Variants in APBA3 observed in about 807,000 individuals in gnomAD.
APBA3 encodes amyloid-beta A4 precursor protein-binding family A member 3.
In APBA3, 45 loss-of-function variants were observed where a neutral mutation model predicts 55.9. That is an observed-to-expected ratio of 0.80 (90% CI 0.63 to 1.03). The LOEUF (loss-of-function observed/expected upper bound fraction) is 1.03, where lower values mean the gene tolerates loss of function less well. Among genes scored for constraint, APBA3 ranks in the 50% least tolerant of loss-of-function variants. APBA3 has a pLI of 0.00. For missense variants in APBA3, 865 were observed against 820.3 expected, an observed-to-expected ratio of 1.05 and a Z score of -0.67; for synonymous variants, 370 against 353.3, an observed-to-expected ratio of 1.05 and a Z score of -0.53.
chr19:3,759,566 T>C lies in APBA3; in HGVS notation c.611A>G (p.Gln204Arg), dbSNP rs2037118267. 6.3e-7 allele frequency: 1 copy of C among 1,598,394 alleles called. No individual in the cohort carries two copies. Among genetic ancestry groups the C allele is most frequent in the Non-Finnish European group, 8.5e-7 (1 of 1,174,216 alleles). The change falls in exon 3 of 11, where the codon CAG (glutamine) becomes CGG (arginine). Residue 204 changes from glutamine (Q) to arginine (R), a missense_variant. Gln to Arg is a conservative substitution (Grantham distance 43, BLOSUM62 1). Coordinates refer to ENST00000316757, the MANE Select transcript of APBA3 (RefSeq NM_004886.4). ...AGGGTGGGCGGGACACTCACCCTCC[T>C]GGGGGGCAGGGTAGGAAGCCAGGGT... The part of the protein sequence containing the change: ...PETLASYPAP[Q>R]EVPGPCDHED...
Position 3,754,226 on chromosome 19 carries a change from G to C in APBA3, c.731C>G (p.Ala244Gly). 1.3e-6 allele frequency: 2 copies of C among 1,544,756 alleles called. No homozygotes were observed. The highest frequency in any genetic ancestry group is 1.7e-6 in the Non-Finnish European group (2 of 1,145,366). ...GCGGTCCATGGCCTCCCGGGCCTGG[G>C]CCATGCGCGTGCTGGTGGGCGGGTT... is the stretch of plus-strand genomic sequence containing the variant. ...ERNPPTSTRM[A>G]QAREAMDRVK... The change falls in exon 4 of 11, where the codon GCC (alanine) becomes GGC (glycine). Residue 244 changes from alanine to glycine, a missense_variant. By Grantham distance (60) the Ala-to-Gly change is moderately conservative. Coordinates refer to ENST00000316757, the MANE Select transcript of APBA3 (RefSeq NM_004886.4).
intron 3 of APBA3, chr19:3,756,179 T>C (rs2037078408): frequency 6.6e-6 from 1 of 152,030 alleles, no homozygotes; most frequent in African/African-American, 2.4e-5. Flanking sequence ...AGATTTGGTA[T>C]GAAAAAAAGT....
chr19:3,751,728 G>T, intron 8 of APBA3, 175 bp from the exon 9 acceptor site: 2 of 738,082 alleles, frequency 2.7e-6, no homozygotes, highest in Non-Finnish European at 4.2e-6. Context: ...TGGGCATGGG[G>T]TCGAAGCTGT....
Position 3,754,313 on chromosome 19 carries a change from A to T in APBA3, c.644T>A (p.Leu215His). 3.8e-6 allele frequency: 6 copies of T among 1,558,958 alleles called. No individual in the cohort carries two copies. The highest frequency in any genetic ancestry group is 5.2e-6 in the Non-Finnish European group (6 of 1,153,690). The change falls in exon 4 of 11, where the codon CTC (leucine) becomes CAC (histidine). Residue 215 changes from leucine (L) to histidine (H), a missense_variant. By Grantham distance (99) the Leu-to-His change is moderately conservative. Transcript: ENST00000316757. The part of the protein sequence containing the change: ...EVPGPCDHED[L>H]LDGVIFGARY... ...GGCCCCAAATATGACACCGTCCAGG[A>T]GGTCTTCATGGTCACAGGGACCAGG... is the stretch of plus-strand genomic sequence containing the variant.
intron 8 of APBA3, chr19:3,751,760 C>T: frequency 3.3e-6 from 2 of 598,084 alleles, no homozygotes; most frequent in South Asian, 4.8e-5. Context: ...CATATCGCTT[C>T]CTTATGGCCA....
intron 3 of APBA3, chr19:3,754,596 C>A (rs1358677320): frequency 6.3e-6 from 3 of 478,912 alleles, no homozygotes; most frequent in Non-Finnish European, 1.1e-5. Context: ...GGATTCAAAG[C>A]CAGATCTAGC....
At chr19:3,758,749 G>A (rs1289616165) in intron 3 of APBA3, among the ~76,000 whole-genome samples, 1 of 151,916 alleles carries the variant, frequency 6.6e-6, no homozygotes, top group African/African-American at 2.4e-5. Flanking sequence ...GTGGTGGCGA[G>A]CACCTGTAAT....
intron 3 of APBA3, chr19:3,754,982 G>T (rs10421047): frequency 6.6e-6 from 1 of 152,242 alleles, no homozygotes. Flanking sequence ...CTCCAATTTC[G>T]AAACCTCCAC....
At chr19:3,753,996 T>C (rs776507332) in intron 5 of APBA3, 23 bp downstream of exon 5, 4 of 1,598,596 alleles carry the variant, frequency 2.5e-6, no homozygotes, top group Middle Eastern at 1.7e-4. Flanking sequence ...CCCGCATCCC[T>C]GGGGCGGGTC....
chr19:3,752,402 T>C lies in APBA3; in HGVS notation c.1395+106A>G, dbSNP rs571441699. 1.3e-4 allele frequency: 138 copies of C among 1,098,340 alleles called. 3 individuals carry two copies. The South Asian group carries it at 2.1e-3, about 16-fold the overall frequency. 68.0% of individuals were successfully genotyped at this position (1,098,340 alleles called of 1,614,324 possible). A position where few individuals can be genotyped will look rare whatever the true frequency, so the allele number is the denominator to read the frequency against. ...TGGGCAGGACTTAAAAGTTCGACTT[T>C]GTCCCTCCTGGCTGGGCTGGAGAGA... On this transcript the variant is annotated intron_variant, in intron 8 of 10. Coordinates refer to ENST00000316757, the MANE Select transcript of APBA3 (RefSeq NM_004886.4).
chr19:3,754,051 T>G lies in APBA3; in HGVS notation c.817A>C (p.Lys273Gln), dbSNP rs781350702. 1.9e-6 allele frequency: 3 copies of G among 1,611,158 alleles called. No homozygotes were observed. The African/African-American group carries it at 4.0e-5, about 22-fold the overall frequency. ...MTEVDLFVST[K>Q]RIKVLTADSQ... ...TCCGCTGTCAAGACCTTGATCCTCT[T>G]GGTGGAGACGAACAGGTCCACCTCC... The change falls in exon 5 of 11, where the codon AAG becomes CAG. Residue 273 changes from lysine to glutamine, a missense_variant. By Grantham distance (53) the Lys-to-Gln change is moderately conservative (BLOSUM62 1). Coordinates refer to ENST00000316757, the MANE Select transcript of APBA3 (RefSeq NM_004886.4).
intron 3 of APBA3, among the ~76,000 whole-genome samples, chr19:3,757,328 A>G (rs772681039): frequency 1.3e-5 from 2 of 151,966 alleles, no homozygotes; most frequent in Non-Finnish European, 2.9e-5. Flanking sequence ...GCTGGTCTCG[A>G]ACTCCTGGGC....
At chr19:3,754,432 C>T (rs1339397066) in intron 3 of APBA3, 92 bp from the exon 4 acceptor site, 76 of 1,481,426 alleles carry the variant, frequency 5.1e-5, no homozygotes, top group Non-Finnish European at 6.7e-5. Context: ...CCGGGAGACA[C>T]AGTGTTCTAG....
Position 3,754,179 on chromosome 19 carries a change from C to T in APBA3, c.762+16G>A. On this transcript the variant is annotated intron_variant, in intron 4 of 10. Transcript: ENST00000316757. ...AGCCCACCCGCCTGCCCGCCCGGCC[C>T]CGGCCGCCCCCTCACCTTGACGCGG... The T allele has an allele frequency of 6.5e-7, 1 of 1,541,944 alleles. No homozygotes were observed. Among genetic ancestry groups the T allele is most frequent in the Non-Finnish European group, 8.8e-7 (1 of 1,142,480 alleles).
In APBA3 at chr19:3,752,696, C is replaced by G. The variant is rs1421541005; in HGVS notation, c.1207G>C (p.Glu403Gln). The G allele has an allele frequency of 1.3e-6, 2 of 1,595,360 alleles. No individual in the cohort carries two copies. The highest frequency in any genetic ancestry group is 1.3e-5 in the African/African-American group (1 of 74,746). The change falls in exon 8 of 11, where the codon GAG becomes CAG. Residue 403 changes from glutamate to glutamine, a missense_variant. Glu to Gln is a conservative substitution (Grantham distance 29). Transcript: ENST00000316757. ...TCCACCAGGGCCACGCCCAGGCCCTCCCCTCGCCGCTTCTCGAGGTGCACC... is the reference window on the plus strand; with the variant it reads ...TCCACCAGGGCCACGCCCAGGCCCTGCCCTCGCCGCTTCTCGAGGTGCACC... ...REVHLEKRRG[E>Q]GLGVALVESG... is the part of the protein sequence containing the mutation.
intron 8 of APBA3, chr19:3,751,839 G>A: frequency 2.3e-6 from 1 of 442,754 alleles, no homozygotes. Flanking sequence ...ACGGACTGTG[G>A]CCTCATTCCT....
In APBA3 at chr19:3,751,426, G is replaced by A; in HGVS notation, c.1515+8C>T. 6.5e-7 allele frequency: 1 copy of A among 1,527,144 alleles called. No homozygotes were observed. Among genetic ancestry groups the A allele is most frequent in the Non-Finnish European group, 8.8e-7 (1 of 1,141,420 alleles). 94.6% of individuals were successfully genotyped at this position (1,527,144 alleles called of 1,614,324 possible). The stretch of plus-strand genomic sequence containing the variant: ...CCCCCACCCCGGGGCCAGGGGCCGG[G>A]GCCTCACGATGCCGTCCTCCACGCA... On this transcript the variant is annotated splice_region_variant and intron_variant, in intron 9 of 10. Coordinates refer to ENST00000316757, the MANE Select transcript of APBA3 (RefSeq NM_004886.4).
chr19:3,751,551 C>G lies in APBA3; in HGVS notation c.1398G>C (p.Glu466Asp), dbSNP rs749144277. The G allele has an allele frequency of 6.3e-7, 1 of 1,588,702 alleles. No homozygotes were observed. The highest frequency in any genetic ancestry group is 2.3e-4 in the Middle Eastern group (1 of 4,430). The change falls in exon 9 of 11, where the codon GAG (glutamate) becomes GAC (aspartate). Residue 466 changes from glutamate to aspartate, a missense_variant and splice_region_variant. Glu to Asp is a conservative substitution (Grantham distance 45). Transcript: ENST00000316757. Reference protein sequence around the residue: ...PLAACQAAVRETKSQTSVTLS... With the variant: ...PLAACQAAVRDTKSQTSVTLS... ...GTGTCACCGACGTCTGCGACTTCGT[C>G]TCCTGTGGGGCGGGGGCCGTTGGCC... is the stretch of plus-strand genomic sequence containing the variant.
intron 3 of APBA3, among the ~76,000 whole-genome samples, chr19:3,758,850 G>A (rs1303733787): frequency 2.0e-5 from 3 of 150,832 alleles, no homozygotes; most frequent in African/African-American, 7.3e-5. Context: ...TGCACTCCAA[G>A]CCTGGGTGAC....
Sources: gnomAD v4.1 joint callset for allele counts (sites outside exome capture counted in the v4.1 genomes callset) on GRCh38, gnomAD v4.1.1 for gene constraint, MANE v1.5 for transcripts, NCBI Gene and HGNC (gene_info 2026-07-23, HGNC 2026-07-21) for gene names.